C9: variants seen among roughly 807,000 people sequenced by gnomAD.
The protein encoded by C9 is complement component C9.
C9 carries 63 observed loss-of-function variants against 65.4 expected under a neutral mutation model. The ratio of observed to expected loss-of-function variants is 0.96; its 90% CI spans 0.79 to 1.19. The LOEUF (loss-of-function observed/expected upper bound fraction) is 1.19. Among genes scored for constraint, C9 ranks in the 50% most tolerant of loss-of-function variants. C9 has a pLI of 0.00. For synonymous variants in C9, 229 were observed against 227.9 expected, an observed-to-expected ratio of 1.00 and a Z score of -0.04; for missense variants, 744 against 670.1, an observed-to-expected ratio of 1.11 and a Z score of -1.22.
intron 9 of C9, among the ~76,000 whole-genome samples, chr5:39,291,191 C>A (rs975212565): frequency 4.0e-5 from 6 of 151,408 alleles, no homozygotes; most frequent in African/African-American, 1.5e-4. Context: ...CAACTGTTTG[C>A]ATAAACAGGG....
intron 5 of C9, among the ~76,000 whole-genome samples, chr5:39,331,287 C>A (rs16868658): frequency 6.6e-6 from 1 of 151,998 alleles, no homozygotes; most frequent in Non-Finnish European, 1.5e-5. Context: ...TCTTCATAGG[C>A]GGATGCTGAA....
At position 39,284,682 on chromosome 5, in the gene C9, G is replaced by A. The variant is rs1307307512; in HGVS notation, c.*517C>T. On this transcript the variant is annotated 3_prime_UTR_variant, in exon 11 of 11. Coordinates refer to ENST00000263408, the MANE Select transcript of C9 (RefSeq NM_001737.5). ...TGGACACATGGATTTAAATCGTAGAGCTAAGACTAGTAAAAGCAACTGCTG... is the reference window on the plus strand; with the variant it reads ...TGGACACATGGATTTAAATCGTAGAACTAAGACTAGTAAAAGCAACTGCTG... 1 of 153,958 alleles carries A rather than the reference G, an allele frequency of 6.5e-6. No homozygotes were observed. Among genetic ancestry groups the A allele is most frequent in the Admixed American group, 6.4e-5 (1 of 15,564 alleles). 9.5% of individuals were successfully genotyped at this position (153,958 alleles called of 1,614,324 possible).
intron 4 of C9, among the ~76,000 whole-genome samples, chr5:39,335,076 C>G (rs1438913230): frequency 6.6e-6 from 1 of 151,778 alleles, no homozygotes; most frequent in Non-Finnish European, 1.5e-5. Context: ...ACATAAAATA[C>G]TGGAAGCAAA....
chr5:39,341,412 C>A (rs1020286942), intron 3 of C9, 119 bp from the exon 4 acceptor site: 3 of 1,440,404 alleles, frequency 2.1e-6, no homozygotes, highest in Non-Finnish European at 2.9e-6. Flanking sequence ...CATTTGAGTT[C>A]TTTGTACAGA....
chr5:39,306,383 A>G (rs892183725), intron 9 of C9, among the ~76,000 whole-genome samples: 1 of 152,128 alleles, frequency 6.6e-6, no homozygotes, highest in African/African-American at 2.4e-5. Flanking sequence ...TCAGTGTTGT[A>G]GAGGTCAGAA....
chr5:39,298,034 C>G (rs995788015), intron 9 of C9, among the ~76,000 whole-genome samples: 1 of 151,618 alleles, frequency 6.6e-6, no homozygotes, highest in Non-Finnish European at 1.5e-5. Flanking sequence ...GAAAAATCCC[C>G]AAATATTTAC....
At chr5:39,286,201 C>T (rs1273922762) in intron 10 of C9, among the ~76,000 whole-genome samples, 1 of 151,932 alleles carries the variant, frequency 6.6e-6, no homozygotes, top group African/African-American at 2.4e-5. Context: ...ATGATAGGAC[C>T]TCCTAAGAAA....
intron 1 of C9, among the ~76,000 whole-genome samples, chr5:39,355,781 T>C (rs1229370760): frequency 6.6e-6 from 1 of 152,222 alleles, no homozygotes; most frequent in Non-Finnish European, 1.5e-5. Context: ...ATGGTTGTGT[T>C]GACTCCTTCT....
Position 39,311,333 on chromosome 5 carries a change from T to A in C9, c.915A>T (p.Arg305Ser). 1 of 1,612,886 alleles carries A rather than the reference T, an allele frequency of 6.2e-7. No individual in the cohort carries two copies. The highest frequency in any genetic ancestry group is 8.5e-7 in the Non-Finnish European group (1 of 1,179,042). ...LHVKGEIHLG[R>S]FVMRNRDVVL... ...CAACATCGCGATTTCTCATTACAAA[T>A]CTTCCCAGATGAATTTCTCCTTTCA... is the stretch of plus-strand genomic sequence containing the variant. Residue 305 changes from arginine to serine, a missense_variant, in exon 7 of 11, where the codon AGA (arginine) becomes AGT (serine). Arg to Ser is a moderately radical substitution (Grantham distance 110). Transcript: ENST00000263408.
chr5:39,300,536 A>G (rs1753260945), intron 9 of C9, among the ~76,000 whole-genome samples: 1 of 152,172 alleles, frequency 6.6e-6, no homozygotes, highest in Non-Finnish European at 1.5e-5. Context: ...AAATTGAGAA[A>G]AAAAGACTGG....
chr5:39,335,412 C>T (rs1017069202), intron 4 of C9, among the ~76,000 whole-genome samples: 2 of 152,182 alleles, frequency 1.3e-5, no homozygotes, highest in African/African-American at 2.4e-5. Context: ...ACAATCAGCC[C>T]TCCATATCTG....
intron 4 of C9, among the ~76,000 whole-genome samples, chr5:39,336,286 A>G (rs1579867310): frequency 1.3e-5 from 2 of 152,080 alleles, no homozygotes; most frequent in South Asian, 2.1e-4. Flanking sequence ...CAGACTTCCT[A>G]TATACTCTAT....
chr5:39,336,017 C>T (rs1464924048), intron 4 of C9, among the ~76,000 whole-genome samples: 4 of 152,014 alleles, frequency 2.6e-5, no homozygotes, highest in Non-Finnish European at 5.9e-5. Context: ...TATTTTTCAT[C>T]TTAAGATTAA....
At chr5:39,303,794 G>A (rs949449442) in intron 9 of C9, among the ~76,000 whole-genome samples, 9 of 151,766 alleles carry the variant, frequency 5.9e-5, no homozygotes, top group African/African-American at 1.5e-4. Context: ...GTTTCCTCCC[G>A]CATCCCAAAG....
At chr5:39,306,923 A>G (rs1753391873) in intron 8 of C9, 131 bp from the exon 9 acceptor site, 1 of 642,128 alleles carries the variant, frequency 1.6e-6, no homozygotes, top group African/African-American at 1.8e-5. Context: ...ATTAAATTTT[A>G]ATTGTAAATA....
intron 4 of C9, among the ~76,000 whole-genome samples, chr5:39,333,996 C>G (rs696762): frequency 0.018 from 2,727 of 152,268 alleles, 85 homozygotes; most frequent in African/African-American, 0.063. Flanking sequence ...CCTTGGCCCC[C>G]CAAAGTGCCG....
chr5:39,331,543 G>A (rs1753839156), intron 5 of C9, 133 bp downstream of exon 5: 3 of 785,606 alleles, frequency 3.8e-6, no homozygotes, highest in South Asian at 1.4e-5. Flanking sequence ...AAACTACATC[G>A]CCTCTTCTTT....
chr5:39,300,647 A>G (rs993802197), intron 9 of C9, among the ~76,000 whole-genome samples: 1 of 152,124 alleles, frequency 6.6e-6, no homozygotes, highest in Non-Finnish European at 1.5e-5. Context: ...ATAAAGGAAG[A>G]CATTTTAATT....
At chr5:39,326,598 A>T (rs1165762850) in intron 5 of C9, among the ~76,000 whole-genome samples, 1 of 152,208 alleles carries the variant, frequency 6.6e-6, no homozygotes, top group Non-Finnish European at 1.5e-5. Context: ...ATGGCACATG[A>T]GTGCCTTCAT....
Sources: allele counts gnomAD v4.1 joint callset (sites outside exome capture counted in the v4.1 genomes callset), GRCh38; gene constraint gnomAD v4.1.1; transcripts MANE v1.5; gene names NCBI Gene and HGNC (gene_info 2026-07-23, HGNC 2026-07-21).